Variants in TMEM74 observed in about 807,000 individuals in gnomAD.
TMEM74 encodes the protein transmembrane protein 74.
Under a neutral mutation model 18.1 loss-of-function variants are expected in TMEM74, and 13 were observed. The observed-to-expected ratio is 0.72, with a 90% CI of 0.47 to 1.14. The LOEUF (loss-of-function observed/expected upper bound fraction) is 1.14, where lower values mean the gene tolerates loss of function less well. Ranked by LOEUF, TMEM74 falls within the 50% of genes most tolerant of loss-of-function variation. The pLI, the probability that TMEM74 is intolerant of heterozygous loss-of-function variation, is 0.00. For missense variants in TMEM74, 372 were observed against 375.9 expected (o/e 0.99, Z 0.09); for synonymous variants, 159 against 146.6 (o/e 1.08, Z -0.61).
chr8:108,663,429 C>T (rs536375199), intron 1 of TMEM74, among the ~76,000 whole-genome samples: 6 of 152,148 alleles, frequency 3.9e-5, no homozygotes, highest in African/African-American at 7.2e-5. Context: ...TCATGCCAGT[C>T]GGAATGGCGA....
At chr8:108,668,872 T>G (rs1445956711) in intron 1 of TMEM74, among the ~76,000 whole-genome samples, 1 of 152,088 alleles carries the variant, frequency 6.6e-6, no homozygotes, top group Non-Finnish European at 1.5e-5. Flanking sequence ...ACTTTGTGTT[T>G]CTGCTTGGTC....
chr8:108,745,051 A>G (rs932804169), intron 1 of TMEM74, among the ~76,000 whole-genome samples: 7 of 152,206 alleles, frequency 4.6e-5, no homozygotes, highest in Admixed American at 3.3e-4. Flanking sequence ...TATGTTTACT[A>G]TAATGGAAAG....
At chr8:108,762,240 A>G (rs913501589) in intron 1 of TMEM74, among the ~76,000 whole-genome samples, 1 of 152,114 alleles carries the variant, frequency 6.6e-6, no homozygotes, top group Admixed American at 6.6e-5. Flanking sequence ...CAAATAATAC[A>G]AATATATAAT....
chr8:108,667,672 A>T (rs1812962181), intron 1 of TMEM74, among the ~76,000 whole-genome samples: 1 of 152,104 alleles, frequency 6.6e-6, no homozygotes, highest in Non-Finnish European at 1.5e-5. Context: ...TCCCTTAGAT[A>T]TTTTTTAATG....
At chr8:108,730,420 C>T (rs1030452623) in intron 1 of TMEM74, among the ~76,000 whole-genome samples, 1 of 152,062 alleles carries the variant, frequency 6.6e-6, no homozygotes, top group African/African-American at 2.4e-5. Flanking sequence ...AACTGCCTCT[C>T]GTCGACACAA....
chr8:108,759,657 T>C (rs1814019175), intron 1 of TMEM74, among the ~76,000 whole-genome samples: 1 of 152,122 alleles, frequency 6.6e-6, no homozygotes, highest in Admixed American at 6.6e-5. Flanking sequence ...CTCATTGGTG[T>C]AAGAAATATA....
intron 2 of TMEM74, among the ~76,000 whole-genome samples, chr8:108,627,362 A>G (rs939771348): frequency 6.6e-6 from 1 of 152,030 alleles, no homozygotes; most frequent in Non-Finnish European, 1.5e-5. Context: ...ACATAGAAAC[A>G]TGGGATTTAG....
intron 1 of TMEM74, among the ~76,000 whole-genome samples, chr8:108,699,183 T>TCCTTCCTTCCTTCCTTCCTTTCTTCCTC (rs1316107934): frequency 7.1e-5 from 5 of 70,458 alleles, no homozygotes; most frequent in Non-Finnish European, 1.3e-4. Flanking sequence ...CTTCCTTCCT[T>TCCTTCCTTCCTTCCTTCCTTTCTTCCTC]CCTCCCTCCC....
At chr8:108,640,203 G>A (rs1812650384) in intron 2 of TMEM74, among the ~76,000 whole-genome samples, 1 of 146,540 alleles carries the variant, frequency 6.8e-6, no homozygotes, top group East Asian at 2.0e-4. Flanking sequence ...TGTGATCTCG[G>A]CTCTCTCTAA....
chr8:108,742,783 A>T (rs895437978), intron 1 of TMEM74, among the ~76,000 whole-genome samples: 1 of 152,182 alleles, frequency 6.6e-6, no homozygotes, highest in African/African-American at 2.4e-5. Flanking sequence ...TGGATTTTTC[A>T]CTATAAAACA....
intron 1 of TMEM74, among the ~76,000 whole-genome samples, chr8:108,755,407 A>C (rs368400055): frequency 3.3e-4 from 50 of 152,252 alleles, no homozygotes; most frequent in African/African-American, 1.2e-3. Context: ...GTTTGTGATA[A>C]TTTGTCATAC....
intron 2 of TMEM74, among the ~76,000 whole-genome samples, chr8:108,653,649 ATAAT>A (rs1194859655): frequency 1.6e-4 from 24 of 152,288 alleles, no homozygotes; most frequent in African/African-American, 5.8e-4. Context: ...TAAATAATAA[ATAAT>A]TATTGTTGTA....
At chr8:108,716,958 T>C (rs1233901215) in intron 1 of TMEM74, among the ~76,000 whole-genome samples, 1 of 151,882 alleles carries the variant, frequency 6.6e-6, no homozygotes, top group Non-Finnish European at 1.5e-5. Flanking sequence ...AAAATGAATG[T>C]TTTTCTAAAT....
chr8:108,717,806 A>G (rs1813541160), intron 1 of TMEM74, among the ~76,000 whole-genome samples: 1 of 152,032 alleles, frequency 6.6e-6, no homozygotes, highest in Admixed American at 6.6e-5. Flanking sequence ...GTGTGCCTTG[A>G]GTGGCGTAAG....
At chr8:108,785,580 G>A (rs1586298566) in intron 1 of TMEM74, among the ~76,000 whole-genome samples, 1 of 152,320 alleles carries the variant, frequency 6.6e-6, no homozygotes, top group African/African-American at 2.4e-5. Flanking sequence ...TGTTAATTCA[G>A]TAAGATTGTA....
At chr8:108,685,242 A>G (rs1416607055) in intron 1 of TMEM74, among the ~76,000 whole-genome samples, 1 of 151,850 alleles carries the variant, frequency 6.6e-6, no homozygotes, top group Non-Finnish European at 1.5e-5. Context: ...CAGTTACTTT[A>G]TTATTCGTGT....
chr8:108,734,912 A>T (rs977038341), intron 1 of TMEM74, among the ~76,000 whole-genome samples: 1 of 152,214 alleles, frequency 6.6e-6, no homozygotes, highest in African/African-American at 2.4e-5. Flanking sequence ...TAAAAAAGAC[A>T]CAACAAACAT....
chr8:108,775,452 T>C (rs1485290365), downstream of TMEM74, among the ~76,000 whole-genome samples: 1 of 152,206 alleles, frequency 6.6e-6, no homozygotes, highest in Non-Finnish European at 1.5e-5. Flanking sequence ...TCATGGGTTC[T>C]TTGGCAATGT....
chr8:108,621,845 C>G (rs1401809540), intron 2 of TMEM74, among the ~76,000 whole-genome samples: 1 of 152,078 alleles, frequency 6.6e-6, no homozygotes, highest in Non-Finnish European at 1.5e-5. Context: ...GTGTGGGTGT[C>G]AATTTTGAAA....
Sources: gnomAD v4.1 joint callset for allele counts (sites outside exome capture counted in the v4.1 genomes callset) on GRCh38, gnomAD v4.1.1 for gene constraint, MANE v1.5 for transcripts, NCBI Gene and HGNC (gene_info 2026-07-23, HGNC 2026-07-21) for gene names.